Variants in MED13L observed in about 807,000 individuals in gnomAD.
MED13L encodes the protein mediator complex subunit 13L.
A neutral mutation model predicts 220.9 loss-of-function variants in MED13L; 7 were observed. The ratio of observed to expected loss-of-function variants is 0.03; its 90% CI spans 0.02 to 0.06. MED13L has a LOEUF of 0.06. Ranked by LOEUF, MED13L falls within the 10% of genes least tolerant of loss-of-function variation. MED13L has a pLI of 1.00. For synonymous variants in MED13L, 1,011 were observed against 1,015.2 expected (o/e 1.00, Z 0.08); for missense variants, 1,965 against 2,760.5 (o/e 0.71, Z 6.46).
chr12:116,261,463 C>T (rs959564021), intron 1 of MED13L, among the ~76,000 whole-genome samples: 1 of 149,576 alleles, frequency 6.7e-6, no homozygotes, highest in Non-Finnish European at 1.5e-5. Flanking sequence ...TGCCGCTGTA[C>T]TCCAGCCTGG....
At chr12:116,043,492 C>G (rs978738379) in intron 4 of MED13L, among the ~76,000 whole-genome samples, 1 of 152,144 alleles carries the variant, frequency 6.6e-6, no homozygotes, top group Admixed American at 6.5e-5. Context: ...GTACATTAAT[C>G]ATGTTTAGTA....
At chr12:116,159,887 C>G (rs951079774) in intron 2 of MED13L, among the ~76,000 whole-genome samples, 1 of 150,448 alleles carries the variant, frequency 6.6e-6, no homozygotes, top group Non-Finnish European at 1.5e-5. Flanking sequence ...TATTTCAAAG[C>G]AGCAGCACAA....
chr12:115,999,055 T>C (rs761820770), intron 14 of MED13L, among the ~76,000 whole-genome samples: 24 of 152,172 alleles, frequency 1.6e-4, no homozygotes, highest in Non-Finnish European at 3.4e-4. Flanking sequence ...GGACTTAAAA[T>C]GTAGCAGGAA....
chr12:116,120,471 TCTCTCTCACACACACACACACACA>T lies in MED13L; in HGVS notation c.311-8983_311-8960del, dbSNP rs1328572894. Among the ~76,000 whole-genome samples, 33 of 114,586 alleles carry T rather than the reference TCTCTCTCACACACACACACACACA, an allele frequency of 2.9e-4. No homozygotes were observed. The Middle Eastern group carries it at 0.014, about 47-fold the overall frequency. 75.2% of individuals were successfully genotyped at this position (114,586 alleles called of 152,430 possible). ...CTCTCTCTCTCTCTCTCTCTCTCTCTCTCTCTCACACACACACACACACACACACACACACACACACACACACAC... is the reference window on the plus strand; with the variant it reads ...CTCTCTCTCTCTCTCTCTCTCTCTCTCACACACACACACACACACACACAC... On this transcript the variant is annotated intron_variant, in intron 2 of 30. Coordinates refer to ENST00000281928, the MANE Select transcript of MED13L (RefSeq NM_015335.5).
chr12:116,104,263 G>A (rs1354838950), intron 3 of MED13L, among the ~76,000 whole-genome samples: 1 of 152,014 alleles, frequency 6.6e-6, no homozygotes, highest in African/African-American at 2.4e-5. Context: ...ACCTGTCTCG[G>A]CCTCCCAAAG....
intron 1 of MED13L, among the ~76,000 whole-genome samples, chr12:116,238,183 C>G (rs544051604): frequency 1.3e-4 from 20 of 152,230 alleles, no homozygotes; most frequent in African/African-American, 4.1e-4. Context: ...GCATGAAGTA[C>G]GAGAGTGTTT....
At chr12:116,179,896 A>G (rs1175988124) in intron 2 of MED13L, among the ~76,000 whole-genome samples, 3 of 152,142 alleles carry the variant, frequency 2.0e-5, no homozygotes, top group Non-Finnish European at 2.9e-5. Context: ...GACCATGTCT[A>G]TTAAAAGGAG....
At chr12:116,105,233 G>A (rs1233691488) in intron 3 of MED13L, among the ~76,000 whole-genome samples, 3 of 152,128 alleles carry the variant, frequency 2.0e-5, no homozygotes, top group Non-Finnish European at 4.4e-5. Flanking sequence ...CCTTTGAGAA[G>A]TTAATCATAA....
chr12:116,228,827 TCA>T (rs1197148711), intron 2 of MED13L, among the ~76,000 whole-genome samples: 1 of 152,202 alleles, frequency 6.6e-6, no homozygotes, highest in Non-Finnish European at 1.5e-5. Flanking sequence ...TTTTCCACAT[TCA>T]GATTCTTACC....
intron 4 of MED13L, among the ~76,000 whole-genome samples, chr12:116,040,409 T>C (rs1167739676): frequency 1.3e-5 from 2 of 152,246 alleles, no homozygotes; most frequent in Non-Finnish European, 2.9e-5. Flanking sequence ...ATCTGATTAA[T>C]ATCACAACCT....
At chr12:116,162,242 C>A (rs1878911814) in intron 2 of MED13L, among the ~76,000 whole-genome samples, 1 of 152,148 alleles carries the variant, frequency 6.6e-6, no homozygotes, top group Non-Finnish European at 1.5e-5. Context: ...GTTAACTAAT[C>A]AGCTTATTTT....
At chr12:116,268,061 T>C (rs961918567) in intron 1 of MED13L, among the ~76,000 whole-genome samples, 5 of 152,238 alleles carry the variant, frequency 3.3e-5, no homozygotes, top group African/African-American at 1.2e-4. Context: ...CCTTGAGGAA[T>C]GGAGAATAAT....
chr12:116,277,020 T>TGCCCCGCCCAGCCCCCCCCCCCCCG, intron 1 of MED13L, 40 bp downstream of exon 1: 1 of 777,550 alleles, frequency 1.3e-6, no homozygotes. Flanking sequence ...ACCCCCCCCC[T>TGCCCCGCCCAGCCCCCCCCCCCCCG]TCCCCGGCAC....
intron 2 of MED13L, among the ~76,000 whole-genome samples, chr12:116,210,816 G>A (rs1231129859): frequency 6.6e-6 from 1 of 151,708 alleles, no homozygotes; most frequent in Non-Finnish European, 1.5e-5. Context: ...GTAGTAAACT[G>A]GTATGATAAT....
At chr12:116,092,074 A>G (rs188402398) in intron 4 of MED13L, among the ~76,000 whole-genome samples, 94 of 152,368 alleles carry the variant, frequency 6.2e-4, no homozygotes, top group African/African-American at 2.1e-3. Flanking sequence ...TAAAACTATT[A>G]TGCATGATTA....
chr12:116,263,165 T>C (rs868022742), intron 1 of MED13L, among the ~76,000 whole-genome samples: 5 of 152,170 alleles, frequency 3.3e-5, no homozygotes, highest in African/African-American at 1.2e-4. Context: ...TTTCTTATTT[T>C]TTTAGAATAA....
At position 116,277,142 on chromosome 12, in the gene MED13L, G is replaced by A. The variant is rs762053907; in HGVS notation, c.-11C>T. ...CGCTGCCGCAGTCATGATCCTCCGC[G>A]AGCCCGGCCGCCAGAGCGGGGCATG... On this transcript the variant is annotated 5_prime_UTR_variant, in exon 1 of 31. Transcript: ENST00000281928. 1.9e-6 allele frequency: 3 copies of A among 1,565,926 alleles called. No homozygotes were observed. Among genetic ancestry groups the A allele is most frequent in the Non-Finnish European group, 1.7e-6 (2 of 1,157,022 alleles).
intron 1 of MED13L, among the ~76,000 whole-genome samples, chr12:116,238,110 C>G (rs1470449957): frequency 6.6e-6 from 1 of 152,100 alleles, no homozygotes; most frequent in Non-Finnish European, 1.5e-5. Context: ...TAATTTCTTT[C>G]AAATAATTTC....
intron 4 of MED13L, among the ~76,000 whole-genome samples, chr12:116,055,284 G>A (rs1868855295): frequency 6.6e-6 from 1 of 152,112 alleles, no homozygotes; most frequent in African/African-American, 2.4e-5. Context: ...CACTTATGAT[G>A]TACAAACATC....
Sources: allele counts gnomAD v4.1 joint callset (sites outside exome capture counted in the v4.1 genomes callset), GRCh38; gene constraint gnomAD v4.1.1; transcripts MANE v1.5; gene names NCBI Gene and HGNC (gene_info 2026-07-23, HGNC 2026-07-21).